DHRS3: variants seen among roughly 807,000 people sequenced by gnomAD.
DHRS3 encodes dehydrogenase/reductase 3, also known as short-chain dehydrogenase/reductase 3.
DHRS3 carries 14 observed loss-of-function variants against 27.2 expected under a neutral mutation model. The observed-to-expected ratio is 0.52, with a 90% confidence interval of 0.34 to 0.81. The LOEUF (loss-of-function observed/expected upper bound fraction) is 0.81, where lower values mean the gene tolerates loss of function less well. Ranked by LOEUF, DHRS3 falls within the 30% of genes least tolerant of loss-of-function variation. The pLI, the probability that DHRS3 is intolerant of heterozygous loss-of-function variation, is 0.01. For missense variants in DHRS3, 322 were observed against 406.2 expected, an observed-to-expected ratio of 0.79 and a Z score of 1.78; for synonymous variants, 165 against 175.9, an observed-to-expected ratio of 0.94 and a Z score of 0.49.
chr1:12,579,103 C>A, intron 3 of DHRS3, 147 bp from the exon 4 acceptor site: 1 of 1,245,134 alleles, frequency 8.0e-7, no homozygotes, highest in Non-Finnish European at 1.1e-6. Context: ...GGGCTCCCTG[C>A]CCCAGGACAC....
chr1:12,569,739 T>C (rs1484935224), intron 5 of DHRS3, among the ~76,000 whole-genome samples: 2 of 152,162 alleles, frequency 1.3e-5, no homozygotes, highest in African/African-American at 2.4e-5. Context: ...CTAATTTCTG[T>C]ATTTTTAGTA....
chr1:12,617,366 C>T lies in DHRS3; in HGVS notation c.-18G>A. ...CACACCATCCTCCGCGCCGCGGAGC[C>T]GGGCAGGGGGCGAAACTCCCCGGGC... On this transcript the variant is annotated 5_prime_UTR_variant, in exon 1 of 6. Transcript: ENST00000616661. The T allele has an allele frequency of 1.9e-6, 3 of 1,592,562 alleles. No individual in the cohort carries two copies. Among genetic ancestry groups the T allele is most frequent in the Non-Finnish European group, 2.6e-6 (3 of 1,164,102 alleles).
intron 1 of DHRS3, among the ~76,000 whole-genome samples, chr1:12,611,802 C>A (rs1257640239): frequency 6.6e-6 from 1 of 151,904 alleles, no homozygotes. Context: ...GGTCAAGAAC[C>A]CAGTCTTGGC....
rs1235463918 is a variant in DHRS3, at chr1:12,591,960, G to A, written c.196-11294C>T. ...GAAAGGCATGGCAGAGATGTTCCTT[G>A]CCCCTCTGCGAGGACACTGGGGCTC... On this transcript the variant is annotated intron_variant, in intron 1 of 5. Transcript: ENST00000616661. The surrounding 1 kb of genome is among the most constrained non-coding windows in gnomAD (Gnocchi z 4.1). Among the ~76,000 whole-genome samples the A allele has an allele frequency of 6.6e-6, 1 of 152,212 alleles. No homozygotes were observed. The highest frequency in any genetic ancestry group is 2.4e-5 in the African/African-American group (1 of 41,460).
At chr1:12,604,144 A>C (rs1342217167) in intron 1 of DHRS3, among the ~76,000 whole-genome samples, 2 of 152,276 alleles carry the variant, frequency 1.3e-5, no homozygotes, top group Admixed American at 1.3e-4. Flanking sequence ...CCAGCAGAAA[A>C]ATGGAGAGTT....
At chr1:12,570,758 C>T (rs4845905) in intron 5 of DHRS3, among the ~76,000 whole-genome samples, 24,124 of 152,206 alleles carry the variant, frequency 0.16, 2,119 homozygotes, top group East Asian at 0.27. Context: ...CCCTGATCAA[C>T]TAGGGGCTCC....
intron 4 of DHRS3, among the ~76,000 whole-genome samples, chr1:12,573,610 T>C (rs1646558738): frequency 6.6e-6 from 1 of 152,244 alleles, no homozygotes; most frequent in African/African-American, 2.4e-5. Context: ...AGGCAGGGGC[T>C]TGGCTAGCGA....
Position 12,576,510 on chromosome 1 carries a change from C to T in DHRS3, c.698+2208G>A, listed in dbSNP as rs536908043. On this transcript the variant is annotated intron_variant, in intron 4 of 5. Coordinates refer to ENST00000616661, the MANE Select transcript of DHRS3 (RefSeq NM_004753.7). ...CCGGGAGACGGAGCTTGCAGTGAGC[C>T]GAGATGGCACCACTGCACTCCAGCC... Among the ~76,000 whole-genome samples, 8 of 151,358 alleles carry T rather than the reference C, an allele frequency of 5.3e-5. No individual in the cohort carries two copies. In the South Asian group the frequency reaches 1.5e-3, roughly 28 times the overall value.
At position 12,568,006 on chromosome 1, in the gene DHRS3, T is replaced by G. The variant is rs965846491; in HGVS notation, c.*334A>C. Reference sequence around the variant, plus strand: ...GTTTTGGAACGGGAGGCAGAGCATCTGGGGACAGACCCTCCTGGAAATGGT... The same window carrying G: ...GTTTTGGAACGGGAGGCAGAGCATCGGGGGACAGACCCTCCTGGAAATGGT... On this transcript the variant is annotated 3_prime_UTR_variant, in exon 6 of 6. Coordinates refer to ENST00000616661, the MANE Select transcript of DHRS3 (RefSeq NM_004753.7). 5.4e-6 allele frequency: 1 copy of G among 185,872 alleles called. No homozygotes were observed. The highest frequency in any genetic ancestry group is 2.3e-5 in the African/African-American group (1 of 42,640). 11.5% of individuals were successfully genotyped at this position (185,872 alleles called of 1,614,324 possible).
At chr1:12,604,635 A>T (rs1646857650) in intron 1 of DHRS3, among the ~76,000 whole-genome samples, 1 of 152,220 alleles carries the variant, frequency 6.6e-6, no homozygotes, top group Admixed American at 6.5e-5. Flanking sequence ...GAGGCAGGCC[A>T]GGCCAGGCTG....
At chr1:12,571,201 G>A (rs942882766) in intron 5 of DHRS3, among the ~76,000 whole-genome samples, 1 of 152,244 alleles carries the variant, frequency 6.6e-6, no homozygotes, top group Non-Finnish European at 1.5e-5. Flanking sequence ...AGAAAACTGA[G>A]TGTGGGACTG....
chr1:12,568,480 G>C, intron 5 of DHRS3, 56 bp from the exon 6 acceptor site: 1 of 1,551,660 alleles, frequency 6.4e-7, no homozygotes, highest in South Asian at 1.1e-5. Flanking sequence ...GGATCCAGGG[G>C]CTGGGTCGCT....
intron 3 of DHRS3, 67 bp downstream of exon 3, chr1:12,579,226 C>T (rs1381575621): frequency 1.2e-6 from 2 of 1,611,962 alleles, no homozygotes; most frequent in Non-Finnish European, 1.7e-6. Flanking sequence ...CAAATCATCC[C>T]CTCCCCTCCA....
chr1:12,579,668 G>C (rs943060136), intron 2 of DHRS3: 2 of 370,172 alleles, frequency 5.4e-6, no homozygotes, highest in Admixed American at 4.4e-5. Flanking sequence ...TAGAGATGGG[G>C]TTTCACCATG....
In DHRS3 at chr1:12,617,457, G is replaced by T; in HGVS notation, c.-109C>A. ...AGTAAACCGAATAAGGAGGAGAGAG[G>T]CGTCCCACCTGGCCACTCTTGAAAT... On this transcript the variant is annotated 5_prime_UTR_variant, in exon 1 of 6. Coordinates refer to ENST00000616661, the MANE Select transcript of DHRS3 (RefSeq NM_004753.7). 1.8e-6 allele frequency: 2 copies of T among 1,131,082 alleles called. No homozygotes were observed. Among genetic ancestry groups the T allele is most frequent in the Non-Finnish European group, 2.4e-6 (2 of 821,076 alleles). 70.1% of individuals were successfully genotyped at this position (1,131,082 alleles called of 1,614,324 possible).
At chr1:12,584,943 GTCTC>G (rs1279464149) in intron 1 of DHRS3, among the ~76,000 whole-genome samples, 1 of 151,886 alleles carries the variant, frequency 6.6e-6, no homozygotes, top group East Asian at 1.9e-4. Context: ...CAGTGTGTCT[GTCTC>G]TCCGTGTGTC....
chr1:12,616,932 G>A, intron 1 of DHRS3: 1 of 859,400 alleles, frequency 1.2e-6, no homozygotes, highest in Non-Finnish European at 1.7e-6. Flanking sequence ...GCCAGCCACC[G>A]ATCCCAAAGG....
rs560507056 is a variant in DHRS3, at chr1:12,578,786, C to T, written c.630G>A (p.Pro210=). The T allele has an allele frequency of 4.6e-5, 74 of 1,614,036 alleles. No homozygotes were observed. In the East Asian group the frequency reaches 8.9e-4, roughly 19 times the overall value. Residue 210 remains proline, a synonymous_variant, in exon 4 of 6, where the codon CCG becomes CCA. Transcript: ENST00000616661. This position sits in a 1 kb window ranked among gnomAD's most constrained non-coding sequence, Gnocchi z 4.5. ...GCAGCACTGTGGTGGCGCTGACTCC[C>T]GGACAGTCCAGCAGCCCCAGGGTCA... ...ESLTLGLLDC[P]GVSATTVLPF... is the part of the protein sequence containing the mutation.
At chr1:12,579,191 C>A in intron 3 of DHRS3, 102 bp downstream of exon 3, 2 of 1,586,464 alleles carry the variant, frequency 1.3e-6, no homozygotes, top group East Asian at 2.3e-5. Flanking sequence ...GTGGACATCC[C>A]TGCTGGCCTG....
Sources: allele counts gnomAD v4.1 joint callset (sites outside exome capture counted in the v4.1 genomes callset), GRCh38; gene constraint gnomAD v4.1.1; non-coding constraint Gnocchi (gnomAD v3.1); transcripts MANE v1.5; gene names NCBI Gene and HGNC (gene_info 2026-07-23, HGNC 2026-07-21).